The following PSMD14 variants were observed in gnomAD, a reference collection of about 807,000 sequenced individuals.
PSMD14 encodes proteasome 26S subunit, non-ATPase 14, also known as ubiquitin C-terminal hydrolase PSMD14.
In PSMD14, 7 loss-of-function variants were observed where a neutral mutation model predicts 41.2. That is an observed-to-expected ratio of 0.17 (90% CI 0.10 to 0.32). The LOEUF is 0.32. Among genes scored for constraint, PSMD14 ranks in the 10% least tolerant of loss-of-function variants. The probability of loss-of-function intolerance (pLI) is 1.00; values close to 1 mark genes in which losing one functional copy is unlikely to be tolerated. For synonymous variants in PSMD14, 114 were observed against 122.3 expected (o/e 0.93, Z 0.45); for missense variants, 139 against 375.6 (o/e 0.37, Z 5.21).
At chr2:161,334,632 G>A (rs1682840627) in intron 3 of PSMD14, among the ~76,000 whole-genome samples, 1 of 152,256 alleles carries the variant, frequency 6.6e-6, no homozygotes, top group Admixed American at 6.5e-5. Context: ...ATAAGAAAGA[G>A]AAAATGGGAA....
At chr2:161,342,695 A>G (rs1040192823) in intron 3 of PSMD14, among the ~76,000 whole-genome samples, 1 of 152,038 alleles carries the variant, frequency 6.6e-6, no homozygotes, top group Non-Finnish European at 1.5e-5. Flanking sequence ...TCACAAAATT[A>G]TTGAATGTCG....
chr2:161,352,213 C>T (rs1397738987), intron 3 of PSMD14, among the ~76,000 whole-genome samples: 1 of 152,054 alleles, frequency 6.6e-6, no homozygotes, highest in Non-Finnish European at 1.5e-5. Flanking sequence ...TCAACCTTGG[C>T]TGTACTTTAG....
intron 3 of PSMD14, among the ~76,000 whole-genome samples, chr2:161,347,494 C>G (rs980558899): frequency 6.6e-6 from 1 of 152,152 alleles, no homozygotes; most frequent in Non-Finnish European, 1.5e-5. Flanking sequence ...ATGGAATTCT[C>G]TCTCTACTCA....
chr2:161,336,438 A>G (rs948830924), intron 3 of PSMD14, among the ~76,000 whole-genome samples: 2 of 152,198 alleles, frequency 1.3e-5, no homozygotes, highest in African/African-American at 4.8e-5. Flanking sequence ...TTATGGAAGC[A>G]TATTATGAGT....
At chr2:161,407,282 A>T (rs1683959956) in intron 10 of PSMD14, among the ~76,000 whole-genome samples, 1 of 152,148 alleles carries the variant, frequency 6.6e-6, no homozygotes, top group South Asian at 2.1e-4. Context: ...CAGTTAGGAA[A>T]TACTTTTATA....
chr2:161,310,543 G>A (rs928048806), intron 1 of PSMD14, among the ~76,000 whole-genome samples: 1 of 152,096 alleles, frequency 6.6e-6, no homozygotes, highest in African/African-American at 2.4e-5. Flanking sequence ...CCTTATTTGT[G>A]AAATGGGAGA....
At chr2:161,394,361 A>G (rs1683762075) in intron 9 of PSMD14, among the ~76,000 whole-genome samples, 1 of 152,172 alleles carries the variant, frequency 6.6e-6, no homozygotes, top group Non-Finnish European at 1.5e-5. Context: ...TATAGATGGA[A>G]TACCAGAATT....
intron 10 of PSMD14, among the ~76,000 whole-genome samples, chr2:161,403,019 G>A (rs925459280): frequency 6.6e-5 from 10 of 152,184 alleles, no homozygotes; most frequent in Non-Finnish European, 1.0e-4. Context: ...GTTCCCATAT[G>A]AGCCAGCAAT....
At chr2:161,374,460 T>C (rs967629892) in intron 7 of PSMD14, among the ~76,000 whole-genome samples, 2 of 151,944 alleles carry the variant, frequency 1.3e-5, no homozygotes, top group Non-Finnish European at 2.9e-5. Context: ...TCTGTAACCC[T>C]CTGCATATTG....
At chr2:161,404,779 T>G (rs1214573733) in intron 10 of PSMD14, among the ~76,000 whole-genome samples, 1 of 152,208 alleles carries the variant, frequency 6.6e-6, no homozygotes, top group East Asian at 1.9e-4. Flanking sequence ...GAAGTCTCTT[T>G]TTACTTCCAT....
At chr2:161,349,083 G>A (rs1030023193) in intron 3 of PSMD14, among the ~76,000 whole-genome samples, 4 of 152,118 alleles carry the variant, frequency 2.6e-5, no homozygotes, top group South Asian at 2.1e-4. Flanking sequence ...TGCTCAGTCC[G>A]CTGCCGAATT....
At chr2:161,319,075 G>A in intron 3 of PSMD14, 1 of 404,574 alleles carries the variant, frequency 2.5e-6, no homozygotes, top group Non-Finnish European at 4.4e-6. Context: ...CTTTTCTCCT[G>A]GGAATAAGAA....
At chr2:161,378,291 T>G (rs1683527679) in intron 7 of PSMD14, among the ~76,000 whole-genome samples, 2 of 151,988 alleles carry the variant, frequency 1.3e-5, no homozygotes, top group Non-Finnish European at 2.9e-5. Context: ...TAAATACATG[T>G]CAGTGCTCTA....
intron 3 of PSMD14, among the ~76,000 whole-genome samples, chr2:161,353,124 T>C (rs2105248281): frequency 6.6e-6 from 1 of 152,348 alleles, no homozygotes; most frequent in South Asian, 2.1e-4. Flanking sequence ...GTAAAATTTA[T>C]ACAAATTCTA....
At chr2:161,401,411 A>T (rs1329236829) in intron 10 of PSMD14, among the ~76,000 whole-genome samples, 1 of 152,144 alleles carries the variant, frequency 6.6e-6, no homozygotes, top group Non-Finnish European at 1.5e-5. Flanking sequence ...TGTACATCTC[A>T]TTTGACAGAA....
chr2:161,314,140 T>A (rs1422744897), intron 1 of PSMD14, among the ~76,000 whole-genome samples: 1 of 152,264 alleles, frequency 6.6e-6, no homozygotes, highest in Non-Finnish European at 1.5e-5. Context: ...CAATGATTTT[T>A]AAAATTTCTA....
intron 10 of PSMD14, chr2:161,407,661 G>T (rs904793491): frequency 6.6e-6 from 1 of 151,996 alleles, no homozygotes; most frequent in Non-Finnish European, 1.5e-5. Flanking sequence ...TTCATTGTTC[G>T]CACATGAAGA....
At chr2:161,379,508 A>T (rs1005516553) in intron 7 of PSMD14, among the ~76,000 whole-genome samples, 1 of 151,974 alleles carries the variant, frequency 6.6e-6, no homozygotes, top group African/African-American at 2.4e-5. Flanking sequence ...CTAATTTCCT[A>T]TTTTTTATGT....
At chr2:161,354,265 G>A (rs1166075143) in intron 3 of PSMD14, among the ~76,000 whole-genome samples, 1 of 151,988 alleles carries the variant, frequency 6.6e-6, no homozygotes, top group South Asian at 2.1e-4. Context: ...GGGGGTTGGT[G>A]GAGACAGAGT....
Sources: gnomAD v4.1 joint callset for allele counts (sites outside exome capture counted in the v4.1 genomes callset) on GRCh38, gnomAD v4.1.1 for gene constraint, MANE v1.5 for transcripts, NCBI Gene and HGNC (gene_info 2026-07-23, HGNC 2026-07-21) for gene names.